The following SYTL2 variants were observed in gnomAD, a reference collection of about 807,000 sequenced individuals.
SYTL2 encodes synaptotagmin-like protein 2.
A neutral mutation model predicts 198.7 loss-of-function variants in SYTL2; 165 were observed. The ratio of observed to expected loss-of-function variants is 0.83; its 90% CI spans 0.73 to 0.94. The LOEUF is 0.94. Ranked by LOEUF, SYTL2 falls within the 40% of genes least tolerant of loss-of-function variation. The pLI is 0.00. For synonymous variants in SYTL2, 966 were observed against 917.7 expected (o/e 1.05, Z -0.95); for missense variants, 2,835 against 2,582.8 (o/e 1.10, Z -2.12).
intron 1 of SYTL2, among the ~76,000 whole-genome samples, chr11:85,795,636 A>G (rs1209303333): frequency 6.6e-6 from 1 of 152,198 alleles, no homozygotes; most frequent in African/African-American, 2.4e-5. Context: ...AACTAACAAG[A>G]ATAGTAAAAG....
At chr11:85,732,830 T>G (rs1041871348) in intron 7 of SYTL2, among the ~76,000 whole-genome samples, 9 of 152,248 alleles carry the variant, frequency 5.9e-5, no homozygotes, top group Non-Finnish European at 1.2e-4. Context: ...TAGGGTTCGA[T>G]GCAGGCTTAC....
chr11:85,755,572 G>A (rs184921861), intron 2 of SYTL2, among the ~76,000 whole-genome samples: 4 of 152,316 alleles, frequency 2.6e-5, no homozygotes, highest in Non-Finnish European at 5.9e-5. Context: ...TTTCGCTGAA[G>A]TTGTAGATTG....
intron 2 of SYTL2, among the ~76,000 whole-genome samples, chr11:85,752,935 A>AC (rs2091613540): frequency 1.4e-5 from 2 of 143,090 alleles, no homozygotes; most frequent in Non-Finnish European, 3.0e-5. Flanking sequence ...AAAAAAAAAA[A>AC]AAAAAAAAAA....
At chr11:85,793,013 T>G (rs543669475) in intron 1 of SYTL2, among the ~76,000 whole-genome samples, 56 of 152,152 alleles carry the variant, frequency 3.7e-4, no homozygotes, top group African/African-American at 1.2e-3. Flanking sequence ...CACATTTTCT[T>G]AATCCAGTCT....
At chr11:85,826,315 G>A in the SYTL2 span, among the ~76,000 whole-genome samples, 4 of 152,234 alleles carry the variant, frequency 2.6e-5, no homozygotes, top group African/African-American at 9.6e-5. Context: ...GGAAGGCAGA[G>A]CTGTCAAGTA....
Position 85,737,573 on chromosome 11 carries a change from A to G in SYTL2, c.471+2T>C. The G allele has an allele frequency of 6.2e-7, 1 of 1,612,200 alleles. No individual in the cohort carries two copies. The highest frequency in any genetic ancestry group is 1.1e-5 in the South Asian group (1 of 90,914). On this transcript the variant is annotated splice_donor_variant, in intron 5 of 19. Transcript: ENST00000359152. LOFTEE classifies it high-confidence loss of function. ...GATTTTCAAAATCTGGGCTCAGTCTACCTTCTCTGGAGACACATTTGGTTT... is the reference window on the plus strand; with the variant it reads ...GATTTTCAAAATCTGGGCTCAGTCTGCCTTCTCTGGAGACACATTTGGTTT...
chr11:85,772,336 T>G (rs57373902), intron 1 of SYTL2, among the ~76,000 whole-genome samples: 8,719 of 152,292 alleles, frequency 0.057, 794 homozygotes, highest in African/African-American at 0.19. Context: ...TGAGACACAA[T>G]AGGAAGTAGT....
At chr11:85,819,524 T>C in the SYTL2 span, among the ~76,000 whole-genome samples, 1 of 152,206 alleles carries the variant, frequency 6.6e-6, no homozygotes, top group Non-Finnish European at 1.5e-5. Flanking sequence ...ATTCAGTAAT[T>C]TAGCCTAAGC....
At chr11:85,780,952 G>T (rs2092549396) in intron 1 of SYTL2, among the ~76,000 whole-genome samples, 1 of 152,214 alleles carries the variant, frequency 6.6e-6, no homozygotes, top group Non-Finnish European at 1.5e-5. Context: ...TACCCAGCTG[G>T]TGTTTGCTGT....
Position 85,725,730 on chromosome 11 carries a change from T to C in SYTL2, c.3628A>G (p.Thr1210Ala), listed in dbSNP as rs2089068412. ...TTCAGGAGTTTGTCTAGACTAGCAG[T>C]CAAAGAGTTCCGTTTAACCTTTGGA... ...VHPKVKRNSL[T>A]ASLDKLLKEA... Residue 1210 changes from threonine (T) to alanine (A), a missense_variant, in exon 8 of 20, where the codon ACT (threonine) becomes GCT (alanine). Transcript: ENST00000359152. 6.2e-7 allele frequency: 1 copy of C among 1,614,130 alleles called. No homozygotes were observed. The highest frequency in any genetic ancestry group is 8.5e-7 in the Non-Finnish European group (1 of 1,179,968).
In SYTL2 at chr11:85,734,811, A is replaced by G. The variant is rs367690160; in HGVS notation, c.587-69T>C. ...ATATATAATTTAAAATACCTGTCAT[A>G]AACTTAACCTACACTTAGTGAAACT... On this transcript the variant is annotated intron_variant, in intron 6 of 19. Coordinates refer to ENST00000359152, the MANE Select transcript of SYTL2 (RefSeq NM_206927.4). 6.2e-5 allele frequency: 71 copies of G among 1,140,224 alleles called. No individual in the cohort carries two copies. The South Asian group carries it at 1.0e-3, about 17-fold the overall frequency. 70.6% of individuals were successfully genotyped at this position (1,140,224 alleles called of 1,614,324 possible).
At chr11:85,701,180 A>T (rs290172) in intron 16 of SYTL2, among the ~76,000 whole-genome samples, 102,834 of 152,172 alleles carry the variant, frequency 0.68, 34,957 homozygotes, top group East Asian at 0.71. Context: ...GGATCAGAAA[A>T]GTTTCAGATT....
Position 85,737,646 on chromosome 11 carries a change from C to T in SYTL2, c.400G>A (p.Val134Ile). 1 of 1,613,262 alleles carries T rather than the reference C, an allele frequency of 6.2e-7. No homozygotes were observed. The change falls in exon 5 of 20, where the codon GTA (valine) becomes ATA (isoleucine). Residue 134 changes from valine (V) to isoleucine (I), a missense_variant. Val to Ile is a conservative substitution (Grantham distance 29). Coordinates refer to ENST00000359152, the MANE Select transcript of SYTL2 (RefSeq NM_206927.4). ...AAPASPSSSV[V>I]NPASSVIDMS... The stretch of plus-strand genomic sequence containing the variant: ...TCAATCACACTGGAAGCTGGATTTA[C>T]CACACTGGAACTGCAAAAGAAACAA...
intron 15 of SYTL2, among the ~76,000 whole-genome samples, chr11:85,705,480 C>G (rs923593358): frequency 6.6e-6 from 1 of 152,102 alleles, no homozygotes; most frequent in Non-Finnish European, 1.5e-5. Context: ...GAACAGAGTT[C>G]CCATATGCCA....
chr11:85,831,789 A>C, the SYTL2 span, among the ~76,000 whole-genome samples: 1 of 152,338 alleles, frequency 6.6e-6, no homozygotes, highest in Admixed American at 6.5e-5. Context: ...AGATTTGACC[A>C]CAACAAAAAA....
intron 1 of SYTL2, among the ~76,000 whole-genome samples, chr11:85,768,185 A>G (rs926008777): frequency 6.6e-6 from 1 of 152,206 alleles, no homozygotes; most frequent in Non-Finnish European, 1.5e-5. Flanking sequence ...CTAAAGATGC[A>G]CTGAGCTCCT....
the SYTL2 span, among the ~76,000 whole-genome samples, chr11:85,846,764 C>T: frequency 1.4e-5 from 2 of 143,670 alleles, no homozygotes; most frequent in Non-Finnish European, 3.0e-5. Flanking sequence ...GATGGAGTCT[C>T]GCTGTCGCCC....
At chr11:85,696,079 A>AGGATATCTCG in intron 19 of SYTL2, 104 bp downstream of exon 19, 2 of 871,602 alleles carry the variant, frequency 2.3e-6, no homozygotes, top group Non-Finnish European at 3.7e-6. Flanking sequence ...ATCTGTTTTC[A>AGGATATCTCG]GGATATCTCG....
At position 85,734,373 on chromosome 11, in the gene SYTL2, T is replaced by G. The variant is rs1159821166; in HGVS notation, c.956A>C (p.Glu319Ala). ...ERISEKEHSL[E>A]DNSSPNSLEP... Reference sequence around the variant, plus strand: ...CAGGGAGTTTGGGGAAGAGTTGTCTTCTAAAGAATGCTCCTTCTCAGAAAT... The same window carrying G: ...CAGGGAGTTTGGGGAAGAGTTGTCTGCTAAAGAATGCTCCTTCTCAGAAAT... Residue 319 changes from glutamate to alanine, a missense_variant, in exon 7 of 20, where the codon GAA (glutamate) becomes GCA (alanine). Physicochemically the swap from Glu to Ala is moderately radical, Grantham distance 107. Transcript: ENST00000359152. 1 of 1,614,074 alleles carries G rather than the reference T, an allele frequency of 6.2e-7. No individual in the cohort carries two copies. The highest frequency in any genetic ancestry group is 8.5e-7 in the Non-Finnish European group (1 of 1,180,036).
Sources: gnomAD v4.1 joint callset for allele counts (sites outside exome capture counted in the v4.1 genomes callset) on GRCh38, gnomAD v4.1.1 for gene constraint, MANE v1.5 for transcripts, NCBI Gene and HGNC (gene_info 2026-07-23, HGNC 2026-07-21) for gene names.